ACVR1: variants seen among roughly 807,000 people sequenced by gnomAD.
ACVR1 encodes activin receptor type-1.
A neutral mutation model predicts 57.1 loss-of-function variants in ACVR1; 38 were observed. The observed-to-expected ratio is 0.67, with a 90% CI of 0.51 to 0.87. The LOEUF (loss-of-function observed/expected upper bound fraction) is 0.87, where lower values mean the gene tolerates loss of function less well. Among genes scored for constraint, ACVR1 ranks in the 40% least tolerant of loss-of-function variants. ACVR1 has a pLI of 0.00. For missense variants in ACVR1, 463 were observed against 638.2 expected (o/e 0.73, Z 2.96); for synonymous variants, 212 against 228.1 (o/e 0.93, Z 0.63).
chr2:157,741,094 T>C lies in ACVR1; in HGVS notation c.1265-2524A>G, dbSNP rs376312197. The stretch of plus-strand genomic sequence containing the variant: ...AGTGATAAAAATATAAGACATGCTC[T>C]TGTTTTCCAAGGAAATCAAAAGTCT... On this transcript the variant is annotated intron_variant, in intron 9 of 10. Coordinates refer to ENST00000434821, the MANE Select transcript of ACVR1 (RefSeq NM_001111067.4). 1.8e-4 allele frequency among the ~76,000 whole-genome samples: 27 copies of C among 152,320 alleles called. No individual in the cohort carries two copies. In the East Asian group the frequency reaches 4.8e-3, roughly 27 times the overall value.
At chr2:157,748,991 G>A (rs1685075076) in intron 9 of ACVR1, among the ~76,000 whole-genome samples, 1 of 152,202 alleles carries the variant, frequency 6.6e-6, no homozygotes, top group African/African-American at 2.4e-5. Context: ...GTCACAGGAG[G>A]CTAAAATGTA....
intron 5 of ACVR1, among the ~76,000 whole-genome samples, chr2:157,777,203 AT>A (rs569462421): frequency 1.2e-4 from 18 of 152,338 alleles, no homozygotes; most frequent in Admixed American, 1.0e-3. Flanking sequence ...GGAGATAGTC[AT>A]TTTTTAATGT....
chr2:157,871,312 G>A (rs1690106070), intron 1 of ACVR1, among the ~76,000 whole-genome samples: 1 of 152,196 alleles, frequency 6.6e-6, no homozygotes, highest in Non-Finnish European at 1.5e-5. Flanking sequence ...AGATTACTCT[G>A]AGCCTTGAAG....
intron 2 of ACVR1, among the ~76,000 whole-genome samples, chr2:157,800,326 C>T (rs545328559): frequency 6.6e-6 from 1 of 152,072 alleles, no homozygotes; most frequent in South Asian, 2.1e-4. Flanking sequence ...GAGTGTTGAC[C>T]TTTAAAATCA....
chr2:157,817,126 A>AC (rs1687967770), intron 2 of ACVR1, among the ~76,000 whole-genome samples: 1 of 149,924 alleles, frequency 6.7e-6, no homozygotes. Flanking sequence ...CACCTGGCTA[A>AC]TTTTTTTTTT....
intron 1 of ACVR1, among the ~76,000 whole-genome samples, chr2:157,830,563 A>C (rs1688545913): frequency 6.6e-6 from 1 of 152,164 alleles, no homozygotes; most frequent in Admixed American, 6.5e-5. Flanking sequence ...TTTGAAAACA[A>C]AGTATTCCCT....
rs549144995 is a variant in ACVR1, at chr2:157,814,901, C to T, written c.-8+3484G>A. ...GAGATCGTGACCATCCTGGCTAACA[C>T]GGTGAAACCCTGTCTCTACTGAAAA... On this transcript the variant is annotated intron_variant, in intron 2 of 10. Transcript: ENST00000434821. 1.2e-4 allele frequency among the ~76,000 whole-genome samples: 18 copies of T among 152,150 alleles called. No individual in the cohort carries two copies. The South Asian group carries it at 1.9e-3, about 16-fold the overall frequency.
chr2:157,784,330 C>G (rs1422317943), intron 3 of ACVR1, among the ~76,000 whole-genome samples: 1 of 152,166 alleles, frequency 6.6e-6, no homozygotes, highest in Non-Finnish European at 1.5e-5. Flanking sequence ...TAATCAGATT[C>G]TGTGACTGAT....
At chr2:157,751,187 T>C (rs1344593662) in intron 9 of ACVR1, among the ~76,000 whole-genome samples, 4 of 152,154 alleles carry the variant, frequency 2.6e-5, no homozygotes, top group Admixed American at 2.0e-4. Context: ...ACACCCTCAC[T>C]GGGGAACCTG....
At chr2:157,873,118 T>C (rs1281353659) in intron 1 of ACVR1, among the ~76,000 whole-genome samples, 1 of 152,080 alleles carries the variant, frequency 6.6e-6, no homozygotes, top group Non-Finnish European at 1.5e-5. Flanking sequence ...TAAAGAAAAA[T>C]ATTAATAGAG....
intron 1 of ACVR1, among the ~76,000 whole-genome samples, chr2:157,842,026 CAA>C (rs34227882): frequency 1.0e-4 from 10 of 99,568 alleles, no homozygotes; most frequent in Admixed American, 3.4e-4. Flanking sequence ...GACTCCATCT[CAA>C]AAAAAAAAAA....
chr2:157,847,821 A>G (rs1488216414), intron 1 of ACVR1, among the ~76,000 whole-genome samples: 1 of 152,204 alleles, frequency 6.6e-6, no homozygotes, highest in African/African-American at 2.4e-5. Context: ...ATGGAGTTTG[A>G]ACTGGGGAGG....
chr2:157,875,398 T>A (rs1215453535), intron 1 of ACVR1: 2 of 152,730 alleles, frequency 1.3e-5, no homozygotes, highest in Admixed American at 6.6e-5. Flanking sequence ...ATCTCCTTAC[T>A]CTCTACAAGC....
At chr2:157,824,964 T>C (rs1688289585) in intron 1 of ACVR1, among the ~76,000 whole-genome samples, 1 of 152,222 alleles carries the variant, frequency 6.6e-6, no homozygotes, top group Non-Finnish European at 1.5e-5. Flanking sequence ...CAGGCTGGTC[T>C]CGAACTCCTG....
chr2:157,848,555 T>C (rs1312270688), intron 1 of ACVR1, among the ~76,000 whole-genome samples: 4 of 152,186 alleles, frequency 2.6e-5, no homozygotes, highest in Non-Finnish European at 5.9e-5. Flanking sequence ...TTGCTGTGCA[T>C]GTTCCAAATC....
intron 7 of ACVR1, among the ~76,000 whole-genome samples, chr2:157,767,800 G>A (rs962261122): frequency 6.6e-6 from 1 of 152,090 alleles, no homozygotes; most frequent in Non-Finnish European, 1.5e-5. Flanking sequence ...TCTGAATTTA[G>A]TGCTAGCTGT....
At chr2:157,750,665 C>T (rs1459078842) in intron 9 of ACVR1, among the ~76,000 whole-genome samples, 1 of 151,714 alleles carries the variant, frequency 6.6e-6, no homozygotes, top group East Asian at 1.9e-4. Context: ...CTGATATCAA[C>T]GTAGAGACAC....
chr2:157,801,962 G>A (rs938952689), intron 2 of ACVR1, among the ~76,000 whole-genome samples: 3 of 152,092 alleles, frequency 2.0e-5, no homozygotes, highest in Admixed American at 6.5e-5. Flanking sequence ...TATAAACAGG[G>A]TCCTTGCTAT....
chr2:157,865,634 A>C (rs1205533184), intron 1 of ACVR1, among the ~76,000 whole-genome samples: 2 of 151,992 alleles, frequency 1.3e-5, no homozygotes, highest in Non-Finnish European at 2.9e-5. Context: ...TCTACTTAAA[A>C]ATAAAAAATT....
Sources: allele counts gnomAD v4.1 joint callset (sites outside exome capture counted in the v4.1 genomes callset), GRCh38; gene constraint gnomAD v4.1.1; transcripts MANE v1.5; gene names NCBI Gene and HGNC (gene_info 2026-07-23, HGNC 2026-07-21).